Variants in NUP188 observed in about 807,000 individuals in gnomAD.
NUP188 encodes the protein nucleoporin 188.
In NUP188, 97 loss-of-function variants were observed where a neutral mutation model predicts 223.0. The observed-to-expected ratio is 0.43, with a 90% CI of 0.37 to 0.51. NUP188 has a LOEUF of 0.51. NUP188 is among the 20% of genes least tolerant of loss of function. NUP188 has a pLI of 0.00. For synonymous variants in NUP188, 869 were observed against 828.0 expected (o/e 1.05, Z -0.85); for missense variants, 1,947 against 2,175.6 (o/e 0.89, Z 2.09).
In NUP188 at chr9:128,990,198, C is replaced by T; in HGVS notation, c.2612C>T (p.Ala871Val). 1 of 1,614,064 alleles carries T rather than the reference C, an allele frequency of 6.2e-7. No individual in the cohort carries two copies. Among genetic ancestry groups the T allele is most frequent in the Non-Finnish European group, 8.5e-7 (1 of 1,179,902 alleles). Reference protein sequence around the residue: ...HKHDPALPRLAIQLLKRLATV... With the variant: ...HKHDPALPRLVIQLLKRLATV... ...CATGACCCTGCTTTGCCACGTCTTGCCATTCAGCTGCTGAAACGTCTGGCC... is the reference window on the plus strand; with the variant it reads ...CATGACCCTGCTTTGCCACGTCTTGTCATTCAGCTGCTGAAACGTCTGGCC... Residue 871 changes from alanine (A) to valine (V), a missense_variant, in exon 25 of 44, where the codon GCC (alanine) becomes GTC (valine). Around this residue, in one of 3 missense-constraint regions of NUP188, gnomAD observed 225 missense variants for 319.1 expected, o/e 0.71. Coordinates refer to ENST00000372577, the MANE Select transcript of NUP188 (RefSeq NM_015354.3).
intron 29 of NUP188, 103 bp from the exon 30 acceptor site, chr9:128,995,201 GAGCCGTCTGCCTTTA>G: frequency 1.3e-6 from 1 of 765,946 alleles, no homozygotes; most frequent in Middle Eastern, 2.7e-4. Context: ...AGGTGTCCTG[GAGCCGTCTGCCTTTA>G]AGCCCATGCA....
chr9:129,003,089 G>A (rs1842703465), intron 37 of NUP188, 114 bp downstream of exon 37: 3 of 1,260,366 alleles, frequency 2.4e-6, no homozygotes, highest in East Asian at 2.4e-5. Context: ...GGTTGTCGAT[G>A]CCTTCATTTT....
At chr9:128,989,240 A>C (rs920114262) in intron 24 of NUP188, among the ~76,000 whole-genome samples, 1 of 152,152 alleles carries the variant, frequency 6.6e-6, no homozygotes, top group African/African-American at 2.4e-5. Flanking sequence ...ATACCAAAAC[A>C]AACAAAAAAA....
Position 129,006,073 on chromosome 9 carries a change from C to T in NUP188, c.4893C>T (p.Leu1631=). Residue 1631 remains leucine (L), a synonymous_variant, in exon 42 of 44, where the codon CTC becomes CTT. Transcript: ENST00000372577. ...AGCTGGACAAGAAAAAGGAGCCCCTCACCCAGGCAGTGGGGCTCAGCACAC... is the reference window on the plus strand; with the variant it reads ...AGCTGGACAAGAAAAAGGAGCCCCTTACCCAGGCAGTGGGGCTCAGCACAC... ...LGELDKKKEP[L]TQAVGLSTQA... 2 of 1,614,168 alleles carry T rather than the reference C, an allele frequency of 1.2e-6. No individual in the cohort carries two copies.
chr9:128,984,601 C>T (rs1430622992), intron 19 of NUP188, among the ~76,000 whole-genome samples: 1 of 152,202 alleles, frequency 6.6e-6, no homozygotes, highest in East Asian at 1.9e-4. Context: ...CAGTAGACCA[C>T]TTACCAGTAC....
rs117456940 is a variant in NUP188, at chr9:128,971,174, T to G, written c.1113+216T>G. ...TCGTGTTAAAGATTATCATTCTGTT[T>G]TATACATTAGGAAATTGAGACTCAG... On this transcript the variant is annotated intron_variant, in intron 11 of 43. Coordinates refer to ENST00000372577, the MANE Select transcript of NUP188 (RefSeq NM_015354.3). Among the ~76,000 whole-genome samples, 370 of 152,284 alleles carry G rather than the reference T, an allele frequency of 2.4e-3. 7 individuals carry two copies. The East Asian group carries it at 0.042, about 17-fold the overall frequency.
chr9:128,966,502 A>T (rs986267978), intron 8 of NUP188, among the ~76,000 whole-genome samples: 4 of 151,528 alleles, frequency 2.6e-5, no homozygotes, highest in African/African-American at 9.7e-5. Context: ...TCAGCCTCCC[A>T]ACTAGCTAGG....
Position 128,989,476 on chromosome 9 carries a change from G to A in NUP188, c.2534-644G>A, listed in dbSNP as rs543868949. 4.6e-5 allele frequency among the ~76,000 whole-genome samples: 7 copies of A among 152,190 alleles called. No individual in the cohort carries two copies. The South Asian group carries it at 6.2e-4, about 14-fold the overall frequency. Reference sequence around the variant, plus strand: ...AGCACTTTGGGAGGCCGAGGTGGGCGGATCACGAGGTCAGGAGTTTGAGAC... The same window carrying A: ...AGCACTTTGGGAGGCCGAGGTGGGCAGATCACGAGGTCAGGAGTTTGAGAC... On this transcript the variant is annotated intron_variant, in intron 24 of 43. Coordinates refer to ENST00000372577, the MANE Select transcript of NUP188 (RefSeq NM_015354.3).
At chr9:128,953,750 G>A (rs1381307394) in intron 3 of NUP188, among the ~76,000 whole-genome samples, 1 of 152,086 alleles carries the variant, frequency 6.6e-6, no homozygotes, top group African/African-American at 2.4e-5. Context: ...GAGGCACAAA[G>A]AGGTTAAGCA....
At chr9:128,959,382 TC>T (rs1841914505) in intron 8 of NUP188, among the ~76,000 whole-genome samples, 1 of 151,734 alleles carries the variant, frequency 6.6e-6, no homozygotes, top group African/African-American at 2.4e-5. Context: ...CCTCAGGTGA[TC>T]CGCCCACCTC....
At chr9:128,974,463 C>T (rs1411222372) in intron 12 of NUP188, among the ~76,000 whole-genome samples, 1 of 144,356 alleles carries the variant, frequency 6.9e-6, no homozygotes, top group East Asian at 2.1e-4. Context: ...TGGGCTTAAG[C>T]TGTCCATCCC....
chr9:128,958,938 C>T, intron 7 of NUP188, 44 bp downstream of exon 7: 1 of 1,412,038 alleles, frequency 7.1e-7, no homozygotes, highest in Non-Finnish European at 9.7e-7. Context: ...ACTGTATCAT[C>T]TTAATAATTT....
At chr9:128,996,427 G>A (rs980210020) in intron 30 of NUP188, among the ~76,000 whole-genome samples, 1 of 152,294 alleles carries the variant, frequency 6.6e-6, no homozygotes, top group South Asian at 2.1e-4. Context: ...TGGGATTACA[G>A]GTGTGAGCCA....
At chr9:128,994,573 T>G in intron 28 of NUP188, 131 bp downstream of exon 28, 2 of 746,644 alleles carry the variant, frequency 2.7e-6, no homozygotes, top group East Asian at 4.9e-5. Flanking sequence ...ACTAGAAACG[T>G]CTTTCTCAGG....
At chr9:128,969,574 T>A (rs1588275698) in intron 10 of NUP188, 60 bp downstream of exon 10, 1 of 868,344 alleles carries the variant, frequency 1.2e-6, no homozygotes, top group Non-Finnish European at 1.8e-6. Context: ...AGCTTTCAAT[T>A]ATTGAACTGC....
chr9:129,000,635 A>T (rs372976132), intron 34 of NUP188, among the ~76,000 whole-genome samples: 134 of 152,128 alleles, frequency 8.8e-4, no homozygotes, highest in Non-Finnish European at 1.4e-3. Flanking sequence ...GCATTTTTTT[A>T]AAATAAAGTA....
At chr9:128,963,137 G>T (rs1255150104) in intron 8 of NUP188, among the ~76,000 whole-genome samples, 1 of 152,138 alleles carries the variant, frequency 6.6e-6, no homozygotes, top group Non-Finnish European at 1.5e-5. Context: ...TTTCTCAGTT[G>T]ATAGCCAGCC....
At chr9:128,984,795 T>C (rs944990572) in intron 19 of NUP188, 105 bp from the exon 20 acceptor site, 1 of 670,500 alleles carries the variant, frequency 1.5e-6, no homozygotes, top group Non-Finnish European at 2.5e-6. Flanking sequence ...AGCTTTTCTA[T>C]TTTATATTCA....
intron 25 of NUP188, among the ~76,000 whole-genome samples, chr9:128,991,022 T>G (rs1237490960): frequency 6.6e-6 from 1 of 151,412 alleles, no homozygotes; most frequent in African/African-American, 2.4e-5. Flanking sequence ...CGTCTCAAGA[T>G]AAAAGGAGAA....
Sources: gnomAD v4.1 joint callset for allele counts (sites outside exome capture counted in the v4.1 genomes callset) on GRCh38, gnomAD v4.1.1 for gene constraint, gnomAD v4.1.1 regional missense constraint, MANE v1.5 for transcripts, NCBI Gene and HGNC (gene_info 2026-07-23, HGNC 2026-07-21) for gene names.